Variants in CPS1 observed in about 807,000 individuals in gnomAD.
CPS1 encodes carbamoyl-phosphate synthase 1.
Under a neutral mutation model 174.6 loss-of-function variants are expected in CPS1, and 109 were observed. That is an observed-to-expected ratio of 0.62 (90% CI 0.53 to 0.73). The LOEUF is 0.73. Among genes scored for constraint, CPS1 ranks in the 30% least tolerant of loss-of-function variants. CPS1 has a pLI of 0.00. For synonymous variants in CPS1, 637 were observed against 632.0 expected (o/e 1.01, Z -0.12); for missense variants, 1,689 against 1,821.9 (o/e 0.93, Z 1.33).
intron 2 of CPS1, among the ~76,000 whole-genome samples, chr2:210,575,331 G>A (rs1242829405): frequency 3.3e-5 from 5 of 151,978 alleles, no homozygotes; most frequent in Non-Finnish European, 7.4e-5. Flanking sequence ...CACAAAAAAG[G>A]ATTTAGCTTA....
chr2:210,503,511 T>C (rs1695201460), intron 1 of CPS1, among the ~76,000 whole-genome samples: 1 of 152,180 alleles, frequency 6.6e-6, no homozygotes, highest in Non-Finnish European at 1.5e-5. Context: ...TCTCTTACTC[T>C]TTGTTGGTGG....
At chr2:210,575,096 A>C (rs1697644577) in intron 2 of CPS1, among the ~76,000 whole-genome samples, 1 of 152,088 alleles carries the variant, frequency 6.6e-6, no homozygotes, top group African/African-American at 2.4e-5. Context: ...GACATCTGAG[A>C]AATTAGCTGA....
At chr2:210,651,608 G>A (rs1700561401) in intron 28 of CPS1, among the ~76,000 whole-genome samples, 3 of 152,096 alleles carry the variant, frequency 2.0e-5, no homozygotes, top group South Asian at 4.2e-4. Flanking sequence ...TGTCTGCCTC[G>A]AACACTCCTT....
intron 24 of CPS1, among the ~76,000 whole-genome samples, chr2:210,640,740 C>A (rs1700196353): frequency 6.6e-6 from 1 of 152,084 alleles, no homozygotes; most frequent in Non-Finnish European, 1.5e-5. Flanking sequence ...ATATTTAAAT[C>A]TTATTCTATT....
intron 1 of CPS1, among the ~76,000 whole-genome samples, chr2:210,481,413 G>A (rs1694566087): frequency 6.6e-6 from 1 of 152,192 alleles, no homozygotes; most frequent in Non-Finnish European, 1.5e-5. Flanking sequence ...TTCTGGAGGG[G>A]TCTTCTCAGG....
upstream of CPS1, among the ~76,000 whole-genome samples, chr2:210,555,335 C>T (rs1015097118): frequency 1.3e-5 from 2 of 151,946 alleles, no homozygotes; most frequent in African/African-American, 4.8e-5. Context: ...GGAACTTGAT[C>T]TTTCTTTCTT....
At chr2:210,525,232 T>C (rs1574492168) in intron 1 of CPS1, among the ~76,000 whole-genome samples, 1 of 151,886 alleles carries the variant, frequency 6.6e-6, no homozygotes, top group East Asian at 1.9e-4. Context: ...TAAAACTTAG[T>C]ATATATAAGC....
chr2:210,547,737 TTTTA>T (rs1290440401), intron 1 of CPS1, among the ~76,000 whole-genome samples: 3 of 152,092 alleles, frequency 2.0e-5, no homozygotes, highest in African/African-American at 2.4e-5. Context: ...TTTTACTTAT[TTTTA>T]TTTGTCATTT....
At chr2:210,602,171 T>TA (rs779360206) in intron 15 of CPS1, 31 bp from the exon 16 acceptor site, 2 of 1,611,286 alleles carry the variant, frequency 1.2e-6, no homozygotes, top group Non-Finnish European at 1.7e-6. Context: ...GCTCAGCTTT[T>TA]AAAATGTTGA....
rs774680971 is a variant in CPS1 at position 210,674,998 on chromosome 2, T to C, written c.4161+37T>C. 2.0e-6 allele frequency: 3 copies of C among 1,490,276 alleles called. No homozygotes were observed. The African/African-American group carries it at 4.1e-5, about 21-fold the overall frequency. The allele number at this position is 1,490,276 out of a possible 1,614,324, so 92.3% of individuals were successfully genotyped here. A position where few individuals can be genotyped will look rare whatever the true frequency, so the allele number is the denominator to read the frequency against. On this transcript the variant is annotated intron_variant, in intron 35 of 37. Transcript: ENST00000233072. ...AGTTTTAAGTTGTTTTCTGTCAGCA[T>C]GGAATCTGTCCACAAATCAAAATAT...
Position 210,660,514 on chromosome 2 carries a change from A to G in CPS1, c.3786A>G (p.Arg1262=), listed in dbSNP as rs1419128954. The G allele has an allele frequency of 6.2e-7, 1 of 1,614,084 alleles. No individual in the cohort carries two copies. The highest frequency in any genetic ancestry group is 2.2e-5 in the East Asian group (1 of 44,862). Reference sequence around the variant, plus strand: ...TTGAGTGTAACTTGAGAGCTTCTCGATCCTTCCCCTTTGTTTCCAAGACTC... The same window carrying G: ...TTGAGTGTAACTTGAGAGCTTCTCGGTCCTTCCCCTTTGTTTCCAAGACTC... The part of the protein sequence containing the change: ...LVIECNLRAS[R]SFPFVSKTLG... The change falls in exon 32 of 38, where the codon CGA becomes CGG. Residue 1262 remains arginine, a synonymous_variant. Coordinates refer to ENST00000233072, the MANE Select transcript of CPS1 (RefSeq NM_001875.5).
intron 22 of CPS1, 98 bp from the exon 23 acceptor site, chr2:210,639,052 G>T: frequency 1.2e-6 from 1 of 850,080 alleles, no homozygotes; most frequent in Non-Finnish European, 1.9e-6. Context: ...TACAGTAATA[G>T]GAATTAAAGG....
At chr2:210,599,699 A>G in intron 14 of CPS1, 138 bp downstream of exon 14, 1 of 854,504 alleles carries the variant, frequency 1.2e-6, no homozygotes, top group Non-Finnish European at 1.9e-6. Context: ...CAGTTAGCAA[A>G]CAGCCACTTA....
chr2:210,592,462 G>A (rs1425688871), intron 10 of CPS1, among the ~76,000 whole-genome samples: 4 of 151,908 alleles, frequency 2.6e-5, no homozygotes, highest in African/African-American at 9.7e-5. Context: ...ATCTGTTTGA[G>A]CCCCATCTGG....
At chr2:210,672,067 T>C (rs1701324532) in intron 34 of CPS1, 1 of 152,072 alleles carries the variant, frequency 6.6e-6, no homozygotes, top group African/African-American at 2.4e-5. Flanking sequence ...AAACAACAAA[T>C]TGCTAGGATC....
chr2:210,547,716 A>T (rs1696600943), intron 1 of CPS1, among the ~76,000 whole-genome samples: 1 of 152,112 alleles, frequency 6.6e-6, no homozygotes, highest in African/African-American at 2.4e-5. Flanking sequence ...AGATGTGTTT[A>T]ATAAAATGTC....
intron 1 of CPS1, among the ~76,000 whole-genome samples, chr2:210,527,833 G>T (rs1455694536): frequency 6.6e-6 from 1 of 151,760 alleles, no homozygotes; most frequent in Non-Finnish European, 1.5e-5. Flanking sequence ...AATTTTTTGT[G>T]GGGGAGAGGC....
chr2:210,495,137 A>G (rs1446267660), intron 1 of CPS1, among the ~76,000 whole-genome samples: 2 of 152,206 alleles, frequency 1.3e-5, no homozygotes, highest in African/African-American at 2.4e-5. Context: ...TTAATTTTTT[A>G]TTCCCAGCCT....
chr2:210,529,386 T>A lies in CPS1; in HGVS notation c.4-27333T>A, dbSNP rs551505437. 1.4e-4 allele frequency among the ~76,000 whole-genome samples: 22 copies of A among 152,164 alleles called. 1 individual carries two copies. In the South Asian group the frequency reaches 3.7e-3, roughly 26 times the overall value. ...AAGGCTCTGCCAGAATAAACCTATTTTAGAGTCTACCTCTTTTGATAACCA... is the reference window on the plus strand; with the variant it reads ...AAGGCTCTGCCAGAATAAACCTATTATAGAGTCTACCTCTTTTGATAACCA... On this transcript the variant is annotated intron_variant, in intron 1 of 38. Coordinates refer to the CPS1 transcript ENST00000430249.
Sources: gnomAD v4.1 joint callset for allele counts (sites outside exome capture counted in the v4.1 genomes callset) on GRCh38, gnomAD v4.1.1 for gene constraint, MANE v1.5 for transcripts, NCBI Gene and HGNC (gene_info 2026-07-23, HGNC 2026-07-21) for gene names.